The following BICD1 variants were observed in gnomAD, a reference collection of about 807,000 sequenced individuals.
BICD1 encodes BICD cargo adaptor 1, also known as protein bicaudal D homolog 1.
In BICD1, 35 loss-of-function variants were observed where a neutral mutation model predicts 92.5. The ratio of observed to expected loss-of-function variants is 0.38; its 90% CI spans 0.29 to 0.50. The LOEUF (loss-of-function observed/expected upper bound fraction) is 0.50. Ranked by LOEUF, BICD1 falls within the 20% of genes least tolerant of loss-of-function variation. BICD1 has a pLI of 0.93. For missense variants in BICD1, 950 were observed against 1,189.8 expected (o/e 0.80, Z 2.97); for synonymous variants, 429 against 465.1 (o/e 0.92, Z 1.00).
chr12:32,179,404 T>C (rs1001346983), intron 1 of BICD1, among the ~76,000 whole-genome samples: 1 of 152,062 alleles, frequency 6.6e-6, no homozygotes, highest in Non-Finnish European at 1.5e-5. Flanking sequence ...GGTATTATTA[T>C]GTATTAATCC....
At chr12:32,364,575 C>G (rs1164156834) in intron 8 of BICD1, among the ~76,000 whole-genome samples, 1 of 152,156 alleles carries the variant, frequency 6.6e-6, no homozygotes. Flanking sequence ...AAGTCCATCA[C>G]CATTTTATCT....
chr12:32,207,612 T>C (rs1446632832), intron 1 of BICD1, among the ~76,000 whole-genome samples: 3 of 152,206 alleles, frequency 2.0e-5, no homozygotes, highest in Non-Finnish European at 4.4e-5. Context: ...CAAAAATTGG[T>C]AATTAGATAT....
At chr12:32,278,211 C>T (rs941507780) in intron 2 of BICD1, among the ~76,000 whole-genome samples, 3 of 152,178 alleles carry the variant, frequency 2.0e-5, no homozygotes, top group African/African-American at 7.2e-5. Context: ...ACCAATATTT[C>T]CTTTTTCCAT....
intron 2 of BICD1, among the ~76,000 whole-genome samples, chr12:32,237,534 G>A (rs190634982): frequency 6.6e-6 from 1 of 152,310 alleles, no homozygotes; most frequent in Admixed American, 6.5e-5. Flanking sequence ...ACAGGCTTTT[G>A]TCCCTTGGGC....
chr12:32,186,267 A>G (rs1322613576), intron 1 of BICD1, among the ~76,000 whole-genome samples: 10 of 152,198 alleles, frequency 6.6e-5, no homozygotes, highest in Admixed American at 6.5e-4. Context: ...GCCACATACA[A>G]CATACCCCTA....
chr12:32,189,620 A>AATACACAGT (rs752666914), intron 1 of BICD1, among the ~76,000 whole-genome samples: 20 of 152,220 alleles, frequency 1.3e-4, no homozygotes, highest in Non-Finnish European at 2.8e-4. Context: ...TTTGTTGATG[A>AATACACAGT]ATACACAGTA....
intron 2 of BICD1, among the ~76,000 whole-genome samples, chr12:32,259,536 G>C (rs772158887): frequency 1.1e-4 from 16 of 152,202 alleles, no homozygotes; most frequent in Non-Finnish European, 2.1e-4. Flanking sequence ...CAGTGGGTCT[G>C]CTCCACATCA....
intron 2 of BICD1, among the ~76,000 whole-genome samples, chr12:32,251,198 T>A (rs1946512755): frequency 6.6e-6 from 1 of 152,216 alleles, no homozygotes. Flanking sequence ...AAATATCTTC[T>A]TGTTGTTCTT....
Position 32,305,740 on chromosome 12 carries a change from A to G in BICD1, c.623A>G (p.Glu208Gly). Residue 208 changes from glutamate to glycine, a missense_variant, in exon 4 of 10, where the codon GAG (glutamate) becomes GGG (glycine). Glu to Gly is a moderately conservative substitution (Grantham distance 98). Around this residue, in one of 5 missense-constraint regions of BICD1, gnomAD observed 246 missense variants for 258.4 expected, o/e 0.95. Coordinates refer to ENST00000652176, the MANE Select transcript of BICD1 (RefSeq NM_001714.4). ...AAGCATGAGATTAAGCGATTTGAGG[A>G]GGAGACGGTACTGCTGAACAGCCAG... ...GLKHEIKRFE[E>G]ETVLLNSQLE... 6.2e-7 allele frequency: 1 copy of G among 1,613,998 alleles called. No individual in the cohort carries two copies. Among genetic ancestry groups the G allele is most frequent in the Non-Finnish European group, 8.5e-7 (1 of 1,180,006 alleles).
chr12:32,309,574 C>T (rs1233631353), intron 4 of BICD1, among the ~76,000 whole-genome samples: 1 of 152,076 alleles, frequency 6.6e-6, no homozygotes, highest in Non-Finnish European at 1.5e-5. Context: ...AGTTTGGCTG[C>T]CCTGGGAGTT....
chr12:32,192,449 AATAAATAG>A (rs1177147074), intron 1 of BICD1, among the ~76,000 whole-genome samples: 108 of 143,694 alleles, frequency 7.5e-4, no homozygotes, highest in African/African-American at 2.4e-3. Context: ...TAAATAAATA[AATAAATAG>A]ATAGATAGAT....
intron 2 of BICD1, among the ~76,000 whole-genome samples, chr12:32,243,406 G>C (rs79910860): frequency 6.6e-6 from 1 of 151,462 alleles, no homozygotes. Context: ...GAGCAACTGC[G>C]TCTGGCCAGG....
chr12:32,256,990 G>A (rs1476453400), intron 2 of BICD1, among the ~76,000 whole-genome samples: 2 of 152,014 alleles, frequency 1.3e-5, no homozygotes, highest in South Asian at 2.1e-4. Context: ...CAAGGCGGGC[G>A]GATCACAAGT....
chr12:32,214,098 A>G (rs1000911379), intron 1 of BICD1, among the ~76,000 whole-genome samples: 10 of 152,246 alleles, frequency 6.6e-5, no homozygotes, highest in Middle Eastern at 3.4e-3. Flanking sequence ...TTTTCTCAAA[A>G]TATCTCAGAT....
rs1420319439 is a variant in BICD1, at chr12:32,328,253, A to G, written c.1798A>G (p.Ile600Val). 2 of 1,613,996 alleles carry G rather than the reference A, an allele frequency of 1.2e-6. No homozygotes were observed. The highest frequency in any genetic ancestry group is 4.5e-5 in the East Asian group (2 of 44,876). ...ACCAAGTCCAACTAAGACCCCCACA[A>G]TCTCTCCTGTTATTACTGCCCCACC... Reference protein sequence around the residue: ...KEPSPTKTPTISPVITAPPSS... With the variant: ...KEPSPTKTPTVSPVITAPPSS... The change falls in exon 5 of 10, where the codon ATC becomes GTC. Residue 600 changes from isoleucine (I) to valine (V), a missense_variant. By Grantham distance (29) the Ile-to-Val change is conservative. Coordinates refer to ENST00000652176, the MANE Select transcript of BICD1 (RefSeq NM_001714.4). The surrounding 1 kb of genome is among the most constrained non-coding windows in gnomAD (Gnocchi z 4.4).
intron 1 of BICD1, among the ~76,000 whole-genome samples, chr12:32,210,949 T>C (rs941946513): frequency 3.9e-5 from 6 of 152,166 alleles, no homozygotes; most frequent in African/African-American, 1.4e-4. Flanking sequence ...TGAAAGGAGG[T>C]ACCTGGTGGA....
chr12:32,154,247 G>T (rs946721997), intron 1 of BICD1, among the ~76,000 whole-genome samples: 35 of 151,996 alleles, frequency 2.3e-4, no homozygotes, highest in African/African-American at 8.5e-4. Flanking sequence ...TTATGTATAT[G>T]TTCTGGGCTC....
intron 3 of BICD1, among the ~76,000 whole-genome samples, chr12:32,298,425 C>T (rs1302368789): frequency 6.6e-6 from 1 of 151,390 alleles, no homozygotes; most frequent in African/African-American, 2.4e-5. Context: ...ATTAGCCGGG[C>T]GTGGTGACAG....
chr12:32,155,930 C>T (rs530779658), intron 1 of BICD1, among the ~76,000 whole-genome samples: 5 of 152,316 alleles, frequency 3.3e-5, no homozygotes, highest in African/African-American at 1.2e-4. Context: ...CTGGACATAT[C>T]TAGCAATTCT....
Sources: allele counts gnomAD v4.1 joint callset (sites outside exome capture counted in the v4.1 genomes callset), GRCh38; gene constraint gnomAD v4.1.1; regional missense constraint gnomAD v4.1.1; non-coding constraint Gnocchi (gnomAD v3.1); transcripts MANE v1.5; gene names NCBI Gene and HGNC (gene_info 2026-07-23, HGNC 2026-07-21).